WWOX: variants seen among roughly 807,000 people sequenced by gnomAD.
WWOX encodes the protein WW domain-containing oxidoreductase.
Under a neutral mutation model 46.2 loss-of-function variants are expected in WWOX, and 69 were observed. The observed-to-expected ratio is 1.49, with a 90% CI of 1.23 to 1.82. The LOEUF (loss-of-function observed/expected upper bound fraction) is 1.82, where lower values mean the gene tolerates loss of function less well. WWOX is among the 40% of genes most tolerant of loss of function. The probability of loss-of-function intolerance (pLI) is 0.00; values close to 1 mark genes in which losing one functional copy is unlikely to be tolerated. For missense variants in WWOX, 919 were observed against 542.6 expected (o/e 1.69, Z -6.89); for synonymous variants, 359 against 202.6 (o/e 1.77, Z -6.56).
intron 8 of WWOX, chr16:78,553,167 A>G (rs1343888849): frequency 6.6e-6 from 1 of 152,232 alleles, no homozygotes; most frequent in African/African-American, 2.4e-5. Flanking sequence ...AAGAATAGCT[A>G]ATGGATGTTG....
intron 4 of WWOX, among the ~76,000 whole-genome samples, chr16:78,117,140 C>G (rs564749172): frequency 2.0e-5 from 3 of 152,178 alleles, no homozygotes; most frequent in Non-Finnish European, 4.4e-5. Flanking sequence ...ACTCTTTGTG[C>G]CTCTTCACAG....
intron 8 of WWOX, among the ~76,000 whole-genome samples, chr16:79,062,741 T>A (rs1270908489): frequency 5.9e-5 from 9 of 152,210 alleles, no homozygotes; most frequent in Non-Finnish European, 2.9e-5. Flanking sequence ...GGTGGCTTTA[T>A]TTAACTCCTT....
At chr16:78,529,878 A>G (rs1567625068) in intron 8 of WWOX, among the ~76,000 whole-genome samples, 1 of 152,246 alleles carries the variant, frequency 6.6e-6, no homozygotes, top group South Asian at 2.1e-4. Context: ...AAGCAAAAAT[A>G]ACAGGTAATG....
intron 8 of WWOX, among the ~76,000 whole-genome samples, chr16:78,773,715 A>C (rs892483661): frequency 6.6e-6 from 1 of 152,224 alleles, no homozygotes; most frequent in Non-Finnish European, 1.5e-5. Flanking sequence ...CTGAACAAAT[A>C]ACCCAAAATG....
At chr16:78,388,669 A>C (rs1431860846) in intron 6 of WWOX, among the ~76,000 whole-genome samples, 1 of 147,424 alleles carries the variant, frequency 6.8e-6, no homozygotes, top group Non-Finnish European at 1.5e-5. Flanking sequence ...AAAAAAAAAA[A>C]AAAAAAAAGT....
intron 8 of WWOX, among the ~76,000 whole-genome samples, chr16:78,684,737 G>A (rs1178398164): frequency 2.0e-5 from 3 of 152,132 alleles, no homozygotes; most frequent in Non-Finnish European, 4.4e-5. Context: ...CTTTTTAGTG[G>A]GACGCATCAT....
At chr16:78,420,716 T>G (rs1214633563) in intron 6 of WWOX, among the ~76,000 whole-genome samples, 1 of 151,640 alleles carries the variant, frequency 6.6e-6, no homozygotes, top group East Asian at 1.9e-4. Context: ...GGTTGTACAA[T>G]TATTTGAGTA....
intron 8 of WWOX, among the ~76,000 whole-genome samples, chr16:78,576,932 A>G (rs538450448): frequency 2.0e-5 from 3 of 152,192 alleles, no homozygotes; most frequent in Admixed American, 1.3e-4. Flanking sequence ...TCACTTTTAT[A>G]TATCTTGACC....
intron 8 of WWOX, among the ~76,000 whole-genome samples, chr16:78,975,342 G>A (rs190199109): frequency 6.6e-6 from 1 of 152,198 alleles, no homozygotes; most frequent in East Asian, 1.9e-4. Flanking sequence ...GTAGAGGCCG[G>A]GGATAGTGGT....
chr16:79,191,572 C>T lies in WWOX; in HGVS notation c.1057-20036C>T, dbSNP rs140937157. Among the ~76,000 whole-genome samples the T allele has an allele frequency of 3.3e-5, 5 of 152,324 alleles. No homozygotes were observed. The South Asian group carries it at 1.0e-3, about 32-fold the overall frequency. On this transcript the variant is annotated intron_variant, in intron 8 of 8. Transcript: ENST00000566780. ...TGGTCGAAGGTCCTGTGGGAGCTCA[C>T]GTTTTTCTCAATTACTGATGATCAT... is the stretch of plus-strand genomic sequence containing the variant.
chr16:78,250,568 C>T (rs553499414), intron 5 of WWOX, among the ~76,000 whole-genome samples: 2 of 152,154 alleles, frequency 1.3e-5, no homozygotes, highest in African/African-American at 4.8e-5. Flanking sequence ...TGCTGAACCC[C>T]TATTAACCTC....
At chr16:78,762,893 C>G (rs1331869284) in intron 8 of WWOX, among the ~76,000 whole-genome samples, 1 of 152,092 alleles carries the variant, frequency 6.6e-6, no homozygotes, top group Non-Finnish European at 1.5e-5. Context: ...TAGTTAACAC[C>G]CAGTTTGGTA....
intron 8 of WWOX, among the ~76,000 whole-genome samples, chr16:78,742,360 C>T (rs185953428): frequency 3.1e-4 from 47 of 152,310 alleles, no homozygotes; most frequent in Middle Eastern, 3.4e-3. Flanking sequence ...GACAGAGCCC[C>T]ACTTCTAGCT....
chr16:78,441,248 C>T (rs1437466997), intron 8 of WWOX, among the ~76,000 whole-genome samples: 1 of 152,100 alleles, frequency 6.6e-6, no homozygotes, highest in African/African-American at 2.4e-5. Context: ...ATGTCTGTCC[C>T]CCCTTCTCTT....
chr16:78,646,720 C>T (rs1013656928), intron 8 of WWOX, among the ~76,000 whole-genome samples: 1 of 152,106 alleles, frequency 6.6e-6, no homozygotes, highest in South Asian at 2.1e-4. Flanking sequence ...TTGTGCCTGG[C>T]GTATATATTT....
intron 5 of WWOX, among the ~76,000 whole-genome samples, chr16:78,291,622 A>G (rs886939702): frequency 6.6e-6 from 1 of 152,122 alleles, no homozygotes; most frequent in African/African-American, 2.4e-5. Context: ...TGTAACTTGG[A>G]TCCCCAGGTT....
intron 8 of WWOX, among the ~76,000 whole-genome samples, chr16:78,794,456 C>G (rs2050686749): frequency 6.6e-6 from 1 of 152,222 alleles, no homozygotes; most frequent in African/African-American, 2.4e-5. Flanking sequence ...CCCCAAAAGA[C>G]TATGACAAAT....
chr16:78,131,061 G>C (rs547764379), intron 4 of WWOX, among the ~76,000 whole-genome samples: 1 of 152,186 alleles, frequency 6.6e-6, no homozygotes, highest in Non-Finnish European at 1.5e-5. Context: ...GTAAGTATTT[G>C]TGTATCTAAA....
intron 8 of WWOX, among the ~76,000 whole-genome samples, chr16:78,886,760 C>T (rs1391216883): frequency 1.3e-5 from 2 of 151,614 alleles, no homozygotes; most frequent in East Asian, 3.9e-4. Flanking sequence ...ATAATTAAAG[C>T]ACAAGGAAAG....
Sources: allele counts gnomAD v4.1 joint callset (sites outside exome capture counted in the v4.1 genomes callset), GRCh38; gene constraint gnomAD v4.1.1; transcripts MANE v1.5; gene names NCBI Gene and HGNC (gene_info 2026-07-23, HGNC 2026-07-21).